The following RALGAPA1 variants were observed in gnomAD, a reference collection of about 807,000 sequenced individuals.
RALGAPA1 encodes Ral GTPase activating protein catalytic subunit alpha 1.
A neutral mutation model predicts 269.6 loss-of-function variants in RALGAPA1; 52 were observed. That is an observed-to-expected ratio of 0.19 (90% CI 0.15 to 0.24). The LOEUF (loss-of-function observed/expected upper bound fraction) is 0.24, where lower values mean the gene tolerates loss of function less well. RALGAPA1 is among the 10% of genes least tolerant of loss of function. RALGAPA1 has a pLI of 1.00. For missense variants in RALGAPA1, 1,917 were observed against 3,013.9 expected, an observed-to-expected ratio of 0.64 and a Z score of 8.52; for synonymous variants, 817 against 1,008.3, an observed-to-expected ratio of 0.81 and a Z score of 3.60.
intron 39 of RALGAPA1, among the ~76,000 whole-genome samples, chr14:35,562,251 C>A (rs1195649672): frequency 6.6e-6 from 1 of 152,154 alleles, no homozygotes; most frequent in Non-Finnish European, 1.5e-5. Context: ...TCTAGACTCC[C>A]ATTGCTTCCC....
intron 4 of RALGAPA1, chr14:35,766,094 G>A (rs1354553273): frequency 1.4e-5 from 16 of 1,132,312 alleles, no homozygotes; most frequent in African/African-American, 3.0e-5. Context: ...CATGCTATGC[G>A]GCTTTAGGAT....
rs574060363 is a variant in RALGAPA1, at chr14:35,736,588, G to A, written c.1587+1925C>T. On this transcript the variant is annotated intron_variant, in intron 12 of 41. Coordinates refer to ENST00000680220, the MANE Select transcript of RALGAPA1 (RefSeq NM_001346249.2). The stretch of plus-strand genomic sequence containing the variant: ...AAGAAACAGGAGGATATGCTATTCT[G>A]GAGGCCAAGCAAAGAAGCATTTCAA... Among the ~76,000 whole-genome samples, 16 of 152,242 alleles carry A rather than the reference G, an allele frequency of 1.1e-4. No individual in the cohort carries two copies. The East Asian group carries it at 3.1e-3, about 29-fold the overall frequency.
chr14:35,766,549 T>C lies in RALGAPA1; in HGVS notation c.326-3796A>G, dbSNP rs367875803. The C allele has an allele frequency of 3.1e-4, 285 of 920,812 alleles. 3 individuals are homozygous for C. The highest frequency in any genetic ancestry group is 1.7e-3 in the South Asian group (128 of 77,112). 57.0% of individuals were successfully genotyped at this position (920,812 alleles called of 1,614,324 possible). ...TGCACATCAGAAGCAGCATCGAGTA[T>C]AGCAAGATCTGATGGGCTACAATAT... On this transcript the variant is annotated intron_variant, in intron 4 of 41. Coordinates refer to ENST00000680220, the MANE Select transcript of RALGAPA1 (RefSeq NM_001346249.2).
intron 12 of RALGAPA1, among the ~76,000 whole-genome samples, chr14:35,730,587 G>A (rs1450798829): frequency 2.1e-5 from 3 of 145,668 alleles, no homozygotes; most frequent in Non-Finnish European, 4.6e-5. Context: ...TGCTTGGGAG[G>A]TGGGTAAGGC....
chr14:35,643,139 A>G lies in RALGAPA1; in HGVS notation c.5677-7541T>C, dbSNP rs144750132. ...TAGGTGGGAATTGAACAATGAGAAC[A>G]CTTAGACACAGGATGGGAAACATCA... On this transcript the variant is annotated intron_variant, in intron 31 of 41. Coordinates refer to ENST00000680220, the MANE Select transcript of RALGAPA1 (RefSeq NM_001346249.2). Among the ~76,000 whole-genome samples the G allele has an allele frequency of 2.3e-3, 348 of 151,800 alleles. 1 individual carries two copies. The highest frequency in any genetic ancestry group is 8.0e-3 in the African/African-American group (331 of 41,354).
At chr14:35,625,692 A>T (rs571553945) in intron 34 of RALGAPA1, among the ~76,000 whole-genome samples, 1 of 152,294 alleles carries the variant, frequency 6.6e-6, no homozygotes, top group East Asian at 1.9e-4. Flanking sequence ...AGCCTCCTAA[A>T]CTCATATCCA....
intron 25 of RALGAPA1, among the ~76,000 whole-genome samples, 155 bp downstream of exon 25, chr14:35,672,712 T>C (rs1185216245): frequency 6.6e-6 from 1 of 152,116 alleles, no homozygotes; most frequent in Non-Finnish European, 1.5e-5. Flanking sequence ...CAAGAACAAA[T>C]AAGGTCATAA....
chr14:35,566,689 ACATT>A (rs917645759), intron 39 of RALGAPA1, among the ~76,000 whole-genome samples: 57 of 151,928 alleles, frequency 3.8e-4, no homozygotes, highest in African/African-American at 1.3e-3. Flanking sequence ...AAAATTTAAT[ACATT>A]ATGTTTCTGA....
At chr14:35,620,699 G>A (rs1053812012) in intron 35 of RALGAPA1, among the ~76,000 whole-genome samples, 2 of 152,146 alleles carry the variant, frequency 1.3e-5, no homozygotes, top group Admixed American at 1.3e-4. Flanking sequence ...AAAATCACAA[G>A]CATTCCTATA....
At position 35,570,612 on chromosome 14, in the gene RALGAPA1, G is replaced by T; in HGVS notation, c.7496+5C>A. On this transcript the variant is annotated splice_donor_5th_base_variant and intron_variant, in intron 39 of 41. Transcript: ENST00000680220. ...GTAGAAACCATTACATTAAAAAAAGGATACAAGTTTTGATACAATGGAATC... is the reference window on the plus strand; with the variant it reads ...GTAGAAACCATTACATTAAAAAAAGTATACAAGTTTTGATACAATGGAATC... The T allele has an allele frequency of 6.3e-7, 1 of 1,595,302 alleles. No homozygotes were observed. Among genetic ancestry groups the T allele is most frequent in the Non-Finnish European group, 8.5e-7 (1 of 1,174,230 alleles).
At chr14:35,556,866 G>T (rs376387361) in intron 39 of RALGAPA1, among the ~76,000 whole-genome samples, 3 of 152,022 alleles carry the variant, frequency 2.0e-5, no homozygotes, top group African/African-American at 7.2e-5. Flanking sequence ...ATAAAATTTG[G>T]ACCACATATA....
Position 35,791,581 on chromosome 14 carries a change from T to C in RALGAPA1, c.107-15836A>G, listed in dbSNP as rs1189913815. On this transcript the variant is annotated intron_variant, in intron 1 of 41. Transcript: ENST00000680220. ...GAGATCGCGCTATTGCACCCTAGCC[T>C]GGGAGACAAGAGCGAAACTCTGTCT... 2.7e-5 allele frequency among the ~76,000 whole-genome samples: 4 copies of C among 149,862 alleles called. No individual in the cohort carries two copies. The East Asian group carries it at 7.9e-4, about 30-fold the overall frequency.
chr14:35,715,903 G>T (rs1348716570), intron 16 of RALGAPA1: 2 of 985,100 alleles, frequency 2.0e-6, no homozygotes, highest in Non-Finnish European at 2.4e-6. Context: ...TTTTATTTTG[G>T]TCAAGGAAAT....
intron 31 of RALGAPA1, among the ~76,000 whole-genome samples, chr14:35,635,964 C>G (rs2061640159): frequency 1.3e-5 from 2 of 152,210 alleles, no homozygotes; most frequent in African/African-American, 2.4e-5. Flanking sequence ...CTTCCACTTT[C>G]CTTTTCTAAC....
intron 11 of RALGAPA1, among the ~76,000 whole-genome samples, chr14:35,739,601 TTAAAA>T (rs1269279066): frequency 6.6e-6 from 1 of 152,176 alleles, no homozygotes; most frequent in Non-Finnish European, 1.5e-5. Flanking sequence ...CTTGAGCTGT[TTAAAA>T]TTCCCATCCA....
chr14:35,662,662 G>A (rs1464917733), intron 27 of RALGAPA1, among the ~76,000 whole-genome samples: 1 of 152,090 alleles, frequency 6.6e-6, no homozygotes, highest in Admixed American at 6.6e-5. Context: ...TATAGTAGGC[G>A]AGGCTAACCC....
Position 35,688,792 on chromosome 14 carries a change from C to G in RALGAPA1, c.3619G>C (p.Val1207Leu). Residue 1207 changes from valine to leucine, a missense_variant, in exon 18 of 42, where the codon GTA becomes CTA. Transcript: ENST00000680220. ...HTSTNSATEL[V>L]KPGVYRPLDT... The stretch of plus-strand genomic sequence containing the variant: ...AGAGGTCTGTACACACCAGGTTTTA[C>G]TAGCTCTGTAGCACTATTTGTGCTG... 1 of 1,415,726 alleles carries G rather than the reference C, an allele frequency of 7.1e-7. No individual in the cohort carries two copies. Among genetic ancestry groups the G allele is most frequent in the East Asian group, 2.5e-5 (1 of 39,914 alleles). The allele number at this position is 1,415,726 out of a possible 1,614,324, so 87.7% of individuals were successfully genotyped here.
chr14:35,776,030 T>C (rs540006425), intron 1 of RALGAPA1, among the ~76,000 whole-genome samples: 7 of 152,332 alleles, frequency 4.6e-5, no homozygotes. Flanking sequence ...CTATTTTCAA[T>C]TCACAGCTAC....
intron 18 of RALGAPA1, among the ~76,000 whole-genome samples, chr14:35,687,510 C>T (rs1014729357): frequency 5.9e-5 from 9 of 152,208 alleles, no homozygotes; most frequent in Non-Finnish European, 1.2e-4. Flanking sequence ...CTGTCAAATA[C>T]TGCCCTCAGG....
Sources: gnomAD v4.1 joint callset for allele counts (sites outside exome capture counted in the v4.1 genomes callset) on GRCh38, gnomAD v4.1.1 for gene constraint, MANE v1.5 for transcripts, NCBI Gene and HGNC (gene_info 2026-07-23, HGNC 2026-07-21) for gene names.